The following GPR158 variants were observed in gnomAD, a reference collection of about 807,000 sequenced individuals.
GPR158 encodes the protein G protein-coupled receptor 158.
A neutral mutation model predicts 78.2 loss-of-function variants in GPR158; 30 were observed. That is an observed-to-expected ratio of 0.38 (90% CI 0.29 to 0.52). The LOEUF (loss-of-function observed/expected upper bound fraction) is 0.52. GPR158 is among the 20% of genes least tolerant of loss of function. GPR158 has a pLI of 0.83. For missense variants in GPR158, 1,463 were observed against 1,523.5 expected, an observed-to-expected ratio of 0.96 and a Z score of 0.66; for synonymous variants, 581 against 591.1, an observed-to-expected ratio of 0.98 and a Z score of 0.25.
chr10:25,493,507 A>T (rs957099103), intron 5 of GPR158, among the ~76,000 whole-genome samples: 3 of 152,172 alleles, frequency 2.0e-5, no homozygotes, highest in Non-Finnish European at 2.9e-5. Context: ...CTAAAAAAAA[A>T]TGTTTCATTT....
chr10:25,420,644 G>A (rs1834737066), intron 4 of GPR158, among the ~76,000 whole-genome samples: 1 of 151,962 alleles, frequency 6.6e-6, no homozygotes, highest in Non-Finnish European at 1.5e-5. Flanking sequence ...TTTATGTATA[G>A]TATAAGATCA....
chr10:25,582,732 GT>G lies in GPR158; in HGVS notation c.1754-6273del, dbSNP rs535686065. 2.2e-4 allele frequency among the ~76,000 whole-genome samples: 34 copies of G among 152,260 alleles called. No homozygotes were observed. The East Asian group carries it at 6.6e-3, about 29-fold the overall frequency. ...TCCTGCCTTTTTAAAGGAGTTACAA[GT>G]TCTACAATAAAACCTTCACAAAGGT... is the stretch of plus-strand genomic sequence containing the variant. On this transcript the variant is annotated intron_variant, in intron 7 of 10. Transcript: ENST00000376351.
At chr10:25,550,489 G>A (rs555668598) in intron 5 of GPR158, among the ~76,000 whole-genome samples, 29 of 152,204 alleles carry the variant, frequency 1.9e-4, no homozygotes, top group African/African-American at 7.0e-4. Flanking sequence ...ATCGGCTCTG[G>A]GGGGAGAATG....
intron 4 of GPR158, among the ~76,000 whole-genome samples, chr10:25,462,103 AC>A (rs1835365345): frequency 2.6e-5 from 4 of 152,110 alleles, no homozygotes; most frequent in African/African-American, 9.7e-5. Flanking sequence ...GGAAAGATTG[AC>A]CTTTTTGTTA....
At position 25,212,431 on chromosome 10, in the gene GPR158, G is replaced by A. The variant is rs116036928; in HGVS notation, c.903-8621G>A. 2.6e-4 allele frequency among the ~76,000 whole-genome samples: 40 copies of A among 151,994 alleles called. 2 individuals are homozygous for A. The highest frequency in any genetic ancestry group is 2.1e-4 in the South Asian group (1 of 4,824). On this transcript the variant is annotated intron_variant, in intron 1 of 10. Transcript: ENST00000376351. ...GATGGTGCCAAGCCATTCATGATCC[G>A]ATCACCCCCCACCAGGCCCCACCTC...
chr10:25,286,876 A>G (rs943408401), intron 2 of GPR158, among the ~76,000 whole-genome samples: 1 of 151,792 alleles, frequency 6.6e-6, no homozygotes, highest in African/African-American at 2.4e-5. Flanking sequence ...GTTTGCACCA[A>G]TTTTTTCTAA....
chr10:25,250,227 T>C (rs199836411), intron 2 of GPR158, among the ~76,000 whole-genome samples: 4,465 of 113,748 alleles, frequency 0.039, 36 homozygotes, highest in East Asian at 0.12. Context: ...GTCTTGCTAG[T>C]GGTCTATCAA....
intron 5 of GPR158, among the ~76,000 whole-genome samples, chr10:25,504,762 A>AT (rs1185922613): frequency 3.5e-4 from 53 of 152,164 alleles, no homozygotes; most frequent in African/African-American, 1.2e-3. Context: ...AGTTTATATA[A>AT]ATTTTTTTTA....
At chr10:25,246,883 C>T (rs193199055) in intron 2 of GPR158, among the ~76,000 whole-genome samples, 3 of 152,258 alleles carry the variant, frequency 2.0e-5, no homozygotes, top group African/African-American at 7.2e-5. Context: ...GATGGGCACT[C>T]CAGTCAGTTA....
At position 25,482,353 on chromosome 10, in the gene GPR158, T is replaced by C. The variant is rs974263947; in HGVS notation, c.1404+15634T>C. On this transcript the variant is annotated intron_variant, in intron 5 of 10. Coordinates refer to ENST00000376351, the MANE Select transcript of GPR158 (RefSeq NM_020752.3). Reference sequence around the variant, plus strand: ...TGTATGCCACCACACCTGGCTACTTTTTAAATTTTCTTAGAGATGAAGTCT... The same window carrying C: ...TGTATGCCACCACACCTGGCTACTTCTTAAATTTTCTTAGAGATGAAGTCT... Among the ~76,000 whole-genome samples, 4 of 152,052 alleles carry C rather than the reference T, an allele frequency of 2.6e-5. 1 individual carries two copies. Among genetic ancestry groups the C allele is most frequent in the African/African-American group, 9.7e-5 (4 of 41,390 alleles).
chr10:25,536,964 A>T (rs1381427565), intron 5 of GPR158, among the ~76,000 whole-genome samples: 2 of 152,214 alleles, frequency 1.3e-5, no homozygotes, highest in East Asian at 3.8e-4. Flanking sequence ...AGATGTGAGA[A>T]ACACTGTTCT....
intron 2 of GPR158, among the ~76,000 whole-genome samples, chr10:25,283,271 A>C (rs947294594): frequency 3.8e-4 from 58 of 152,104 alleles, no homozygotes; most frequent in African/African-American, 1.3e-3. Context: ...AAGTTGTCAC[A>C]TTTATGGGCA....
chr10:25,497,845 G>C (rs1835903706), intron 5 of GPR158, among the ~76,000 whole-genome samples: 1 of 152,100 alleles, frequency 6.6e-6, no homozygotes, highest in South Asian at 2.1e-4. Context: ...CAGTATTATG[G>C]AGACCTTTTT....
chr10:25,195,423 C>T (rs982529230), intron 1 of GPR158, among the ~76,000 whole-genome samples: 2 of 152,124 alleles, frequency 1.3e-5, no homozygotes, highest in African/African-American at 4.8e-5. Context: ...CCAGGCTGGC[C>T]TTGAACTCCT....
intron 4 of GPR158, among the ~76,000 whole-genome samples, chr10:25,444,363 C>T (rs951277218): frequency 4.7e-5 from 7 of 148,564 alleles, no homozygotes; most frequent in Admixed American, 2.0e-4. Flanking sequence ...TGTATGCGTG[C>T]GGTAGTTGTG....
intron 4 of GPR158, among the ~76,000 whole-genome samples, chr10:25,452,224 A>G (rs1451195283): frequency 4.0e-5 from 6 of 151,318 alleles, no homozygotes; most frequent in African/African-American, 1.5e-4. Flanking sequence ...ATATATATAT[A>G]TGGTAGCAAT....
In GPR158 at chr10:25,310,724, A is replaced by G. The variant is rs74230863; in HGVS notation, c.1009-85187A>G. Among the ~76,000 whole-genome samples the G allele has an allele frequency of 4.3e-4, 66 of 152,170 alleles. 2 individuals carry two copies. In the East Asian group the frequency reaches 0.013, roughly 29 times the overall value. On this transcript the variant is annotated intron_variant, in intron 2 of 10. Transcript: ENST00000376351. Reference sequence around the variant, plus strand: ...TTTATTGCATTTTTTGGACATTTATAACTTTAGTTTTTGAAGTGAAATTTA... The same window carrying G: ...TTTATTGCATTTTTTGGACATTTATGACTTTAGTTTTTGAAGTGAAATTTA...
chr10:25,551,558 T>G (rs1369070892), intron 6 of GPR158, among the ~76,000 whole-genome samples: 2 of 152,198 alleles, frequency 1.3e-5, no homozygotes, highest in African/African-American at 4.8e-5. Flanking sequence ...CTTTTGGCTT[T>G]TCTCCTAAAC....
At chr10:25,350,168 G>T (rs181772329) in intron 2 of GPR158, among the ~76,000 whole-genome samples, 1 of 151,940 alleles carries the variant, frequency 6.6e-6, no homozygotes, top group African/African-American at 2.4e-5. Flanking sequence ...TAATTGGGTT[G>T]ACCGTAACTT....
Sources: allele counts gnomAD v4.1 joint callset (sites outside exome capture counted in the v4.1 genomes callset), GRCh38; gene constraint gnomAD v4.1.1; transcripts MANE v1.5; gene names NCBI Gene and HGNC (gene_info 2026-07-23, HGNC 2026-07-21).